The following GPR158 variants were observed in gnomAD, a reference collection of about 807,000 sequenced individuals.
GPR158 encodes G protein-coupled receptor 158.
In GPR158, 30 loss-of-function variants were observed where a neutral mutation model predicts 78.2. The observed-to-expected ratio is 0.38, with a 90% CI of 0.29 to 0.52. The LOEUF is 0.52. Ranked by LOEUF, GPR158 falls within the 20% of genes least tolerant of loss-of-function variation. The pLI, the probability that GPR158 is intolerant of heterozygous loss-of-function variation, is 0.83. For missense variants in GPR158, 1,463 were observed against 1,523.5 expected (o/e 0.96, Z 0.66); for synonymous variants, 581 against 591.1 (o/e 0.98, Z 0.25).
chr10:25,361,374 G>T (rs897613525), intron 2 of GPR158, among the ~76,000 whole-genome samples: 23 of 151,908 alleles, frequency 1.5e-4, no homozygotes, highest in African/African-American at 5.3e-4. Flanking sequence ...CCTTGGTATT[G>T]TATATAGTGC....
chr10:25,469,783 CAAAAAAAAAAAAAAA>C lies in GPR158; in HGVS notation c.1404+3076_1404+3090del, dbSNP rs34432893. 1.3e-4 allele frequency among the ~76,000 whole-genome samples: 6 copies of C among 47,362 alleles called. No homozygotes were observed. In the Admixed American group the frequency reaches 1.8e-3, roughly 15 times the overall value. The allele number at this position is 47,362 out of a possible 152,430, so 31.1% of individuals were successfully genotyped here. A position where few individuals can be genotyped will look rare whatever the true frequency, so the allele number is the denominator to read the frequency against. On this transcript the variant is annotated intron_variant, in intron 5 of 10. Transcript: ENST00000376351. ...TGGGCAACAGAGCGAGACTCCATCT[CAAAAAAAAAAAAAAA>C]AAAAAAAAAAAGATGCAGCAAGAAT...
At chr10:25,557,139 G>C (rs920734170) in intron 6 of GPR158, among the ~76,000 whole-genome samples, 7 of 152,200 alleles carry the variant, frequency 4.6e-5, no homozygotes, top group African/African-American at 1.7e-4. Flanking sequence ...CCATGCTGGT[G>C]CCCAGACCGT....
At chr10:25,304,303 A>T (rs143781569) in intron 2 of GPR158, among the ~76,000 whole-genome samples, 2 of 152,134 alleles carry the variant, frequency 1.3e-5, no homozygotes, top group South Asian at 4.1e-4. Flanking sequence ...AAGATTGCTG[A>T]CAGGGTTTTG....
At chr10:25,280,778 C>T (rs1049231433) in intron 2 of GPR158, among the ~76,000 whole-genome samples, 3 of 151,984 alleles carry the variant, frequency 2.0e-5, no homozygotes, top group African/African-American at 4.8e-5. Flanking sequence ...TACCAAGAAA[C>T]GAATCTGAAT....
At chr10:25,351,720 T>G (rs1855475749) in intron 2 of GPR158, among the ~76,000 whole-genome samples, 1 of 151,628 alleles carries the variant, frequency 6.6e-6, no homozygotes, top group Admixed American at 6.6e-5. Flanking sequence ...CTTTTTTTTT[T>G]TTTTTAATGT....
chr10:25,278,841 G>T (rs1199039264), intron 2 of GPR158, among the ~76,000 whole-genome samples: 1 of 151,542 alleles, frequency 6.6e-6, no homozygotes. Context: ...TAAATAAAAA[G>T]CTTAGGGCAC....
chr10:25,491,500 C>T (rs1038611141), intron 5 of GPR158, among the ~76,000 whole-genome samples: 1 of 152,164 alleles, frequency 6.6e-6, no homozygotes, highest in Non-Finnish European at 1.5e-5. Context: ...TTTGTTTCTG[C>T]AGCTTAGCTT....
At chr10:25,224,202 G>A (rs1461198057) in intron 2 of GPR158, among the ~76,000 whole-genome samples, 4 of 151,828 alleles carry the variant, frequency 2.6e-5, no homozygotes, top group South Asian at 2.1e-4. Context: ...CCTACAGAAT[G>A]GTTTAAACAT....
rs145034267 is a variant in GPR158 at position 25,212,814 on chromosome 10, T to C, written c.903-8238T>C. Among the ~76,000 whole-genome samples, 87 of 152,054 alleles carry C rather than the reference T, an allele frequency of 5.7e-4. 1 individual carries two copies. The highest frequency in any genetic ancestry group is 1.9e-3 in the African/African-American group (79 of 41,484). ...GTCCAGCTAATTTTTGTATTTTTAT[T>C]AAAGACGGGGTTTCACCATATTAGC... On this transcript the variant is annotated intron_variant, in intron 1 of 10. Transcript: ENST00000376351.
intron 2 of GPR158, among the ~76,000 whole-genome samples, chr10:25,280,320 T>G (rs1188149037): frequency 6.6e-6 from 1 of 152,194 alleles, no homozygotes; most frequent in East Asian, 1.9e-4. Context: ...AAAGCTGAGA[T>G]ACCTATCTTA....
At chr10:25,180,797 A>G (rs1852602058) in intron 1 of GPR158, among the ~76,000 whole-genome samples, 1 of 152,116 alleles carries the variant, frequency 6.6e-6, no homozygotes, top group African/African-American at 2.4e-5. Flanking sequence ...ACCTTGTGGA[A>G]GTGATATGGG....
chr10:25,351,636 A>G (rs1467629224), intron 2 of GPR158, among the ~76,000 whole-genome samples: 2 of 149,974 alleles, frequency 1.3e-5, no homozygotes, highest in South Asian at 2.1e-4. Flanking sequence ...TTTCATTTGA[A>G]TCAGTTACCT....
intron 4 of GPR158, among the ~76,000 whole-genome samples, chr10:25,413,475 C>T (rs145978810): frequency 6.6e-5 from 10 of 152,248 alleles, no homozygotes; most frequent in African/African-American, 1.9e-4. Context: ...GTGTTGTATT[C>T]GAATTTGTGA....
chr10:25,386,451 T>G (rs1448505378), intron 2 of GPR158, among the ~76,000 whole-genome samples: 3 of 152,152 alleles, frequency 2.0e-5, no homozygotes, highest in Non-Finnish European at 4.4e-5. Context: ...TTAGGACATT[T>G]TTTCGATTTC....
chr10:25,222,729 T>C (rs1430210965), intron 2 of GPR158, among the ~76,000 whole-genome samples: 1 of 152,208 alleles, frequency 6.6e-6, no homozygotes, highest in African/African-American at 2.4e-5. Context: ...TAGCGTTGTC[T>C]TTTAGCCAGA....
At chr10:25,247,367 A>T (rs1307683225) in intron 2 of GPR158, among the ~76,000 whole-genome samples, 2 of 144,522 alleles carry the variant, frequency 1.4e-5, no homozygotes, top group African/African-American at 5.2e-5. Flanking sequence ...CACATTGTGC[A>T]GGTTAGTTAC....
chr10:25,280,602 A>C (rs1251449213), intron 2 of GPR158, among the ~76,000 whole-genome samples: 1 of 152,226 alleles, frequency 6.6e-6, no homozygotes, highest in East Asian at 1.9e-4. Flanking sequence ...CGTTGACTTA[A>C]TGTACATACA....
intron 6 of GPR158, among the ~76,000 whole-genome samples, chr10:25,555,753 C>A (rs1036168196): frequency 1.1e-4 from 16 of 151,018 alleles, no homozygotes; most frequent in African/African-American, 2.7e-4. Flanking sequence ...AAAAAAAAAA[C>A]AAAATACTTT....
chr10:25,301,689 C>T (rs1397083335), intron 2 of GPR158, among the ~76,000 whole-genome samples: 1 of 71,210 alleles, frequency 1.4e-5, no homozygotes, highest in Non-Finnish European at 3.1e-5. Flanking sequence ...CAAATTGATA[C>T]CTTTGACACA....
Sources: allele counts gnomAD v4.1 joint callset (sites outside exome capture counted in the v4.1 genomes callset), GRCh38; gene constraint gnomAD v4.1.1; transcripts MANE v1.5; gene names NCBI Gene and HGNC (gene_info 2026-07-23, HGNC 2026-07-21).